The following MYOCD variants were observed in gnomAD, a reference collection of about 807,000 sequenced individuals.
MYOCD encodes myocardin.
A neutral mutation model predicts 96.1 loss-of-function variants in MYOCD; 32 were observed. The ratio of observed to expected loss-of-function variants is 0.33; its 90% CI spans 0.25 to 0.45. The LOEUF (loss-of-function observed/expected upper bound fraction) is 0.45, where lower values mean the gene tolerates loss of function less well. MYOCD is among the 20% of genes least tolerant of loss of function. The pLI is 1.00. For missense variants in MYOCD, 1,133 were observed against 1,200.6 expected (o/e 0.94, Z 0.83); for synonymous variants, 469 against 469.0 (o/e 1.00, Z 0.00).
intron 5 of MYOCD, among the ~76,000 whole-genome samples, chr17:12,730,676 A>G (rs1023612622): frequency 1.3e-5 from 2 of 152,190 alleles, no homozygotes; most frequent in Non-Finnish European, 2.9e-5. Context: ...CTGAAACTAT[A>G]GCTACCTTTC....
intron 9 of MYOCD, among the ~76,000 whole-genome samples, chr17:12,747,386 G>A (rs2032698302): frequency 6.6e-6 from 1 of 151,856 alleles, no homozygotes. Flanking sequence ...AGTAGAATGA[G>A]GAGTTGATGT....
chr17:12,706,465 C>T (rs138211168), intron 2 of MYOCD, among the ~76,000 whole-genome samples: 29 of 152,272 alleles, frequency 1.9e-4, no homozygotes, highest in African/African-American at 6.5e-4. Context: ...ATCCCTTCAC[C>T]GATGTTTCTT....
intron 1 of MYOCD, among the ~76,000 whole-genome samples, chr17:12,670,986 A>G (rs1234553612): frequency 6.6e-6 from 1 of 152,092 alleles, no homozygotes; most frequent in Admixed American, 6.5e-5. Context: ...TTCCCTCACC[A>G]TCTTAATCAC....
rs1002025444 is a variant in MYOCD, at chr17:12,767,313, A to G, written c.*3669A>G. 1.3e-5 allele frequency: 2 copies of G among 152,332 alleles called. No individual in the cohort carries two copies. Among genetic ancestry groups the G allele is most frequent in the African/African-American group, 2.4e-5 (1 of 41,584 alleles). 9.4% of individuals were successfully genotyped at this position (152,332 alleles called of 1,614,324 possible). On this transcript the variant is annotated 3_prime_UTR_variant, in exon 14 of 14. Transcript: ENST00000425538. Reference sequence around the variant, plus strand: ...TGTCCAACCTGAAAAAAAAGCATCAATAAAACCTATCCCAAGCATTCAAAA... The same window carrying G: ...TGTCCAACCTGAAAAAAAAGCATCAGTAAAACCTATCCCAAGCATTCAAAA...
chr17:12,681,177 C>T (rs1017829750), intron 1 of MYOCD, among the ~76,000 whole-genome samples: 1 of 152,222 alleles, frequency 6.6e-6, no homozygotes, highest in African/African-American at 2.4e-5. Context: ...CACAAGTATC[C>T]GAACCAGTCA....
At chr17:12,695,964 A>G (rs981924338) in intron 1 of MYOCD, among the ~76,000 whole-genome samples, 6 of 150,040 alleles carry the variant, frequency 4.0e-5, no homozygotes, top group Non-Finnish European at 7.4e-5. Context: ...TAATTGGCTT[A>G]TCTCACTCAG....
chr17:12,711,044 C>T (rs1333800003), intron 2 of MYOCD, among the ~76,000 whole-genome samples: 3 of 152,124 alleles, frequency 2.0e-5, no homozygotes, highest in African/African-American at 7.2e-5. Context: ...CATTAGAAAG[C>T]TACATTGGGA....
rs193252241 is a variant in MYOCD at position 12,736,451 on chromosome 17, T to C, written c.591+115T>C. On this transcript the variant is annotated intron_variant, in intron 6 of 13. Transcript: ENST00000425538. ...GTTTTGCTTAGAGAATGCAGAGATG[T>C]CCCTGGCTGCCACAGCATTTTGATG... is the stretch of plus-strand genomic sequence containing the variant. The C allele has an allele frequency of 1.9e-4, 200 of 1,071,374 alleles. 4 individuals are homozygous for C. The East Asian group carries it at 3.6e-3, about 19-fold the overall frequency. The allele number at this position is 1,071,374 out of a possible 1,614,324, so 66.4% of individuals were successfully genotyped here.
chr17:12,756,086 G>A (rs1332654678), intron 10 of MYOCD, among the ~76,000 whole-genome samples: 1 of 152,136 alleles, frequency 6.6e-6, no homozygotes, highest in Non-Finnish European at 1.5e-5. Flanking sequence ...GGGATGGAAT[G>A]TACAGGGCAT....
intron 9 of MYOCD, among the ~76,000 whole-genome samples, chr17:12,750,051 G>GTGTTAGCCAGGA (rs1190235917): frequency 6.6e-6 from 1 of 151,394 alleles, no homozygotes; most frequent in Non-Finnish European, 1.5e-5. Context: ...GGGTTTCACC[G>GTGTTAGCCAGGA]TGGTCTCGAT....
chr17:12,765,262 CTGT>C lies in MYOCD; in HGVS notation c.*1623_*1625del, dbSNP rs2033306816. 6.7e-6 allele frequency: 1 copy of C among 149,624 alleles called. No homozygotes were observed. The highest frequency in any genetic ancestry group is 2.5e-5 in the African/African-American group (1 of 40,498). The allele number at this position is 149,624 out of a possible 1,614,324, so 9.3% of individuals were successfully genotyped here. A position where few individuals can be genotyped will look rare whatever the true frequency, so the allele number is the denominator to read the frequency against. The stretch of plus-strand genomic sequence containing the variant: ...TGCATGCTGTAGAAAGGAGCTATTG[CTGT>C]TGTTTTGTTTTTTTATTTAAATCAC... On this transcript the variant is annotated 3_prime_UTR_variant, in exon 14 of 14. Coordinates refer to ENST00000425538, the MANE Select transcript of MYOCD (RefSeq NM_001146312.3).
intron 1 of MYOCD, 39 bp from the exon 2 acceptor site, chr17:12,705,089 A>G (rs2031234790): frequency 7.6e-7 from 1 of 1,307,488 alleles, no homozygotes; most frequent in Non-Finnish European, 1.1e-6. Context: ...TTGTAATGAT[A>G]TTTAGCCCAA....
chr17:12,766,247 T>G lies in MYOCD; in HGVS notation c.*2603T>G, dbSNP rs1010368946. 6 of 152,236 alleles carry G rather than the reference T, an allele frequency of 3.9e-5. No individual in the cohort carries two copies. Among genetic ancestry groups the G allele is most frequent in the African/African-American group, 1.4e-4 (6 of 41,468 alleles). The allele number at this position is 152,236 out of a possible 1,614,324, so 9.4% of individuals were successfully genotyped here. A position where few individuals can be genotyped will look rare whatever the true frequency, so the allele number is the denominator to read the frequency against. On this transcript the variant is annotated 3_prime_UTR_variant, in exon 14 of 14. Coordinates refer to ENST00000425538, the MANE Select transcript of MYOCD (RefSeq NM_001146312.3). ...GACTGAGTGTTAATTATTTTTTCCT[T>G]GGGTATTTCTATCTGAGAGACTAGA...
At chr17:12,678,554 A>G (rs1299886934) in intron 1 of MYOCD, among the ~76,000 whole-genome samples, 1 of 152,168 alleles carries the variant, frequency 6.6e-6, no homozygotes, top group African/African-American at 2.4e-5. Context: ...GAGAGAGAGA[A>G]AACAAAGTTT....
At chr17:12,667,199 C>A (rs1909424915) in intron 1 of MYOCD, among the ~76,000 whole-genome samples, 1 of 152,140 alleles carries the variant, frequency 6.6e-6, no homozygotes, top group African/African-American at 2.4e-5. Flanking sequence ...CTACATGGGG[C>A]CAACTCAGTT....
chr17:12,719,174 C>CCAAAAAAAAAAAAAAAAAAAA (rs2031742394), intron 4 of MYOCD, among the ~76,000 whole-genome samples: 1 of 49,158 alleles, frequency 2.0e-5, no homozygotes, highest in Non-Finnish European at 3.2e-5. Flanking sequence ...GACTCTGTCT[C>CCAAAAAAAAAAAAAAAAAAAA]AAAAAAAAAA....
intron 2 of MYOCD, among the ~76,000 whole-genome samples, chr17:12,706,635 G>T (rs1320456792): frequency 6.6e-6 from 1 of 152,122 alleles, no homozygotes; most frequent in African/African-American, 2.4e-5. Flanking sequence ...TTTTTGGAGG[G>T]ATACGGGGTT....
chr17:12,676,548 C>CTT (rs145649125), intron 1 of MYOCD, among the ~76,000 whole-genome samples: 2 of 150,660 alleles, frequency 1.3e-5, no homozygotes, highest in African/African-American at 2.4e-5. Flanking sequence ...TATTATTTGC[C>CTT]TTTTTTTTTA....
intron 4 of MYOCD, among the ~76,000 whole-genome samples, chr17:12,722,440 A>G (rs1007690787): frequency 4.6e-5 from 7 of 152,214 alleles, no homozygotes; most frequent in Non-Finnish European, 1.0e-4. Context: ...TAAAAGTCAT[A>G]CTAGTACTAC....
Sources: gnomAD v4.1 joint callset for allele counts (sites outside exome capture counted in the v4.1 genomes callset) on GRCh38, gnomAD v4.1.1 for gene constraint, MANE v1.5 for transcripts, NCBI Gene and HGNC (gene_info 2026-07-23, HGNC 2026-07-21) for gene names.